CAMSAP1: variants seen among roughly 807,000 people sequenced by gnomAD.
CAMSAP1 encodes the protein calmodulin regulated spectrin associated protein 1.
A neutral mutation model predicts 143.5 loss-of-function variants in CAMSAP1; 58 were observed. The ratio of observed to expected loss-of-function variants is 0.40; its 90% CI spans 0.33 to 0.50. The LOEUF is 0.50. CAMSAP1 is among the 20% of genes least tolerant of loss of function. CAMSAP1 has a pLI of 0.45. For missense variants in CAMSAP1, 1,969 were observed against 2,115.7 expected (o/e 0.93, Z 1.36); for synonymous variants, 945 against 859.3 (o/e 1.10, Z -1.74).
Position 135,815,905 on chromosome 9 carries a change from C to G in CAMSAP1, c.4372G>C (p.Val1458Leu). 1 of 1,613,754 alleles carries G rather than the reference C, an allele frequency of 6.2e-7. No individual in the cohort carries two copies. The highest frequency in any genetic ancestry group is 8.5e-7 in the Non-Finnish European group (1 of 1,179,898). Residue 1458 changes from valine to leucine, a missense_variant, in exon 15 of 17, where the codon GTG becomes CTG. By Grantham distance (32) the Val-to-Leu change is conservative. Transcript: ENST00000389532. ...ACGCCGTCACCTGTGTACTCGGCCA[C>G]TGAGGCCAGGGAAGATGCCGCCGAC... The part of the protein sequence containing the change: ...TASAASSLAS[V>L]AEYTGPKLFK...
chr9:135,896,420 G>C (rs1838454831), intron 1 of CAMSAP1, among the ~76,000 whole-genome samples: 2 of 152,104 alleles, frequency 1.3e-5, no homozygotes, highest in South Asian at 4.1e-4. Context: ...AAGAGGAACA[G>C]ACAAATCTAC....
Position 135,822,557 on chromosome 9 carries a change from G to A in CAMSAP1, c.2104C>T (p.Leu702Phe). The change falls in exon 11 of 17, where the codon CTT (leucine) becomes TTT (phenylalanine). Residue 702 changes from leucine to phenylalanine, a missense_variant. Physicochemically the swap from Leu to Phe is conservative, Grantham distance 22 (BLOSUM62 0). Transcript: ENST00000389532. This position sits in a 1 kb window ranked among gnomAD's most constrained non-coding sequence, Gnocchi z 6.1. Reference sequence around the variant, plus strand: ...TCTTCATCGGCCCTGCCTACATGAAGGAAGAAGCCATCCGTGGATGGTCCC... The same window carrying A: ...TCTTCATCGGCCCTGCCTACATGAAAGAAGAAGCCATCCGTGGATGGTCCC... ...PQGPSTDGFF[L>F]HVGRADEDTE... The A allele has an allele frequency of 6.2e-7, 1 of 1,613,760 alleles. No individual in the cohort carries two copies. Among genetic ancestry groups the A allele is most frequent in the South Asian group, 1.1e-5 (1 of 91,074 alleles).
In CAMSAP1 at chr9:135,900,920, A is replaced by C. The variant is rs1019449899; in HGVS notation, c.160+6080T>G. On this transcript the variant is annotated intron_variant, in intron 1 of 16. Coordinates refer to ENST00000389532, the MANE Select transcript of CAMSAP1 (RefSeq NM_015447.4). ...CAGGCGCATGCCACCACACCCAGCT[A>C]ATTTTGTATTTTTAGTAGAGACGGG... 9.8e-4 allele frequency among the ~76,000 whole-genome samples: 148 copies of C among 151,674 alleles called. 1 individual carries two copies. Among genetic ancestry groups the C allele is most frequent in the African/African-American group, 3.5e-3 (146 of 41,388 alleles).
rs1195455045 is a variant in CAMSAP1 at position 135,837,431 on chromosome 9, C to T, written c.1046-9847G>A. ...GACACACGTCATCACGCGCTTTCTA[C>T]CCCTTCTACAGACACACGTCATCAC... On this transcript the variant is annotated intron_variant, in intron 7 of 16. Transcript: ENST00000389532. Among the ~76,000 whole-genome samples the T allele has an allele frequency of 4.7e-5, 7 of 149,394 alleles. No individual in the cohort carries two copies. In the South Asian group the frequency reaches 1.3e-3, roughly 27 times the overall value.
At chr9:135,859,925 C>T (rs904659932) in intron 5 of CAMSAP1, among the ~76,000 whole-genome samples, 7 of 151,544 alleles carry the variant, frequency 4.6e-5, no homozygotes, top group African/African-American at 1.7e-4. Flanking sequence ...GCATCCAGGG[C>T]CAGGTGCGGT....
Position 135,822,116 on chromosome 9 carries a change from G to C in CAMSAP1, c.2545C>G (p.Pro849Ala). 1 of 1,612,664 alleles carries C rather than the reference G, an allele frequency of 6.2e-7. No individual in the cohort carries two copies. The highest frequency in any genetic ancestry group is 8.5e-7 in the Non-Finnish European group (1 of 1,179,776). The change falls in exon 11 of 17, where the codon CCA becomes GCA. Residue 849 changes from proline (P) to alanine (A), a missense_variant. By Grantham distance (27) the Pro-to-Ala change is conservative. Around this residue, in one of 4 missense-constraint regions of CAMSAP1, gnomAD observed 1,390 missense variants for 1,420.8 expected, o/e 0.98. Coordinates refer to ENST00000389532, the MANE Select transcript of CAMSAP1 (RefSeq NM_015447.4). The surrounding 1 kb of genome is among the most constrained non-coding windows in gnomAD (Gnocchi z 6.1). ...KTTPDASESC[P>A]APLTTWRQKR... ...TGCCTCCACGTCGTCAGAGGGGCTG[G>C]GCAGCTCTCAGACGCATCTGGCGTG...
intron 1 of CAMSAP1, among the ~76,000 whole-genome samples, chr9:135,885,464 GA>G (rs1187877619): frequency 1.3e-5 from 2 of 152,202 alleles, no homozygotes; most frequent in Non-Finnish European, 2.9e-5. Flanking sequence ...CCCTCAGAGT[GA>G]TGGCTCTGTG....
Position 135,906,618 on chromosome 9 carries a change from G to T in CAMSAP1, c.160+382C>A, listed in dbSNP as rs757702712. 1.1e-3 allele frequency among the ~76,000 whole-genome samples: 164 copies of T among 152,352 alleles called. 1 individual carries two copies. The highest frequency in any genetic ancestry group is 1.6e-3 in the Non-Finnish European group (110 of 68,028). ...CGGAATCACAGGTCCAGCACTGGAC[G>T]ATGCCCGGCGCGCCGGGAAGCGGCG... On this transcript the variant is annotated intron_variant, in intron 1 of 16. Coordinates refer to ENST00000389532, the MANE Select transcript of CAMSAP1 (RefSeq NM_015447.4).
At chr9:135,887,835 C>T (rs532746538) in intron 1 of CAMSAP1, among the ~76,000 whole-genome samples, 97 of 152,280 alleles carry the variant, frequency 6.4e-4, no homozygotes, top group Non-Finnish European at 1.0e-3. Context: ...GAGTCGGCAA[C>T]GGCACTGTCA....
In CAMSAP1 at chr9:135,809,476, G is replaced by A. The variant is rs1040824207; in HGVS notation, c.*1833C>T. 1.3e-5 allele frequency: 2 copies of A among 152,256 alleles called. No individual in the cohort carries two copies. Among genetic ancestry groups the A allele is most frequent in the Non-Finnish European group, 2.9e-5 (2 of 68,038 alleles). The allele number at this position is 152,256 out of a possible 1,614,324, so 9.4% of individuals were successfully genotyped here. ...AAAAGAATCCAATTCCACTGACTTC[G>A]ATAGGGCCATGGTAAAGAACAATGT... is the stretch of plus-strand genomic sequence containing the variant. On this transcript the variant is annotated 3_prime_UTR_variant, in exon 17 of 17. Transcript: ENST00000389532.
chr9:135,810,349 T>G lies in CAMSAP1; in HGVS notation c.*960A>C, dbSNP rs1335438888. On this transcript the variant is annotated 3_prime_UTR_variant, in exon 17 of 17. Coordinates refer to ENST00000389532, the MANE Select transcript of CAMSAP1 (RefSeq NM_015447.4). ...AATCCAGACAGGACAAGCCGTGACC[T>G]AACAAAACCACTGAAGGGACTGTCA... 6.6e-6 allele frequency: 1 copy of G among 152,224 alleles called. No homozygotes were observed. The highest frequency in any genetic ancestry group is 1.5e-5 in the Non-Finnish European group (1 of 68,036). The allele number at this position is 152,224 out of a possible 1,614,324, so 9.4% of individuals were successfully genotyped here.
In CAMSAP1 at chr9:135,818,940, C is replaced by A. The variant is rs943041440; in HGVS notation, c.3959+70G>T. ...CATGGTCCATGCTCAGTGCCAGCAACGGGACCGGGGCCGCCAGGGACCCAC... is the reference window on the plus strand; with the variant it reads ...CATGGTCCATGCTCAGTGCCAGCAAAGGGACCGGGGCCGCCAGGGACCCAC... On this transcript the variant is annotated intron_variant, in intron 12 of 16. Coordinates refer to ENST00000389532, the MANE Select transcript of CAMSAP1 (RefSeq NM_015447.4). The surrounding 1 kb of genome is among the most constrained non-coding windows in gnomAD (Gnocchi z 7.7). The A allele has an allele frequency of 1.3e-6, 2 of 1,563,058 alleles. No individual in the cohort carries two copies. Among genetic ancestry groups the A allele is most frequent in the Non-Finnish European group, 1.7e-6 (2 of 1,161,804 alleles).
chr9:135,866,388 C>T (rs997245335), intron 4 of CAMSAP1, 68 bp downstream of exon 4: 1 of 806,754 alleles, frequency 1.2e-6, no homozygotes, highest in African/African-American at 1.7e-5. Flanking sequence ...TGGGAACTAA[C>T]AGAATTCTTT....
At position 135,890,661 on chromosome 9, in the gene CAMSAP1, T is replaced by G. The variant is rs115937485; in HGVS notation, c.161-7583A>C. Among the ~76,000 whole-genome samples, 972 of 152,242 alleles carry G rather than the reference T, an allele frequency of 6.4e-3. 5 individuals are homozygous for G. Among genetic ancestry groups the G allele is most frequent in the African/African-American group, 0.022 (899 of 41,542 alleles). On this transcript the variant is annotated intron_variant, in intron 1 of 16. Coordinates refer to ENST00000389532, the MANE Select transcript of CAMSAP1 (RefSeq NM_015447.4). ...GACTAGAGCACGGCTCTGAGGCACC[T>G]CCACCAGGGCCTCGCGTGGGGTGAC...
intron 1 of CAMSAP1, among the ~76,000 whole-genome samples, chr9:135,892,844 GTC>G (rs1838326206): frequency 1.6e-4 from 2 of 12,420 alleles, no homozygotes; most frequent in Admixed American, 1.0e-3. Flanking sequence ...GAGCAAGACT[GTC>G]TCAAAAAAAA....
At chr9:135,845,943 A>T (rs1260615540) in intron 7 of CAMSAP1, among the ~76,000 whole-genome samples, 1 of 152,208 alleles carries the variant, frequency 6.6e-6, no homozygotes, top group East Asian at 1.9e-4. Context: ...CATACTTCCC[A>T]AAGTAATTTA....
Position 135,907,270 on chromosome 9 carries a change from G to C in CAMSAP1, c.-111C>G. On this transcript the variant is annotated 5_prime_UTR_variant, in exon 1 of 17. Transcript: ENST00000389532. ...CACCACTCGGCCCCGCAGCCGGCCA[G>C]CCGGGAGGGGCGCCCGAGCGCGGCC... 3.0e-6 allele frequency: 2 copies of C among 660,222 alleles called. No individual in the cohort carries two copies. Among genetic ancestry groups the C allele is most frequent in the Non-Finnish European group, 3.7e-6 (2 of 533,702 alleles). 40.9% of individuals were successfully genotyped at this position (660,222 alleles called of 1,614,324 possible).
Position 135,808,505 on chromosome 9 carries a change from T to G in CAMSAP1, c.*2804A>C, listed in dbSNP as rs1264317336. Reference sequence around the variant, plus strand: ...CAAGTGATGAATTTTTAACAGAAAATTTTATTTCAATAAATATTTTGCCCT... The same window carrying G: ...CAAGTGATGAATTTTTAACAGAAAAGTTTATTTCAATAAATATTTTGCCCT... On this transcript the variant is annotated 3_prime_UTR_variant, in exon 17 of 17. Coordinates refer to ENST00000389532, the MANE Select transcript of CAMSAP1 (RefSeq NM_015447.4). 1 of 152,184 alleles carries G rather than the reference T, an allele frequency of 6.6e-6. No individual in the cohort carries two copies. Among genetic ancestry groups the G allele is most frequent in the African/African-American group, 2.4e-5 (1 of 41,450 alleles). 9.4% of individuals were successfully genotyped at this position (152,184 alleles called of 1,614,324 possible).
chr9:135,880,455 T>A (rs925977065), intron 3 of CAMSAP1, among the ~76,000 whole-genome samples: 1 of 152,116 alleles, frequency 6.6e-6, no homozygotes, highest in African/African-American at 2.4e-5. Flanking sequence ...TGTCCCTACC[T>A]CACCGCAGGA....
Sources: allele counts gnomAD v4.1 joint callset (sites outside exome capture counted in the v4.1 genomes callset), GRCh38; gene constraint gnomAD v4.1.1; regional missense constraint gnomAD v4.1.1; non-coding constraint Gnocchi (gnomAD v3.1); transcripts MANE v1.5; gene names NCBI Gene and HGNC (gene_info 2026-07-23, HGNC 2026-07-21).